The following ZBTB7C variants were observed in gnomAD, a reference collection of about 807,000 sequenced individuals.
ZBTB7C encodes the protein zinc finger and BTB domain containing 7C.
Under a neutral mutation model 25.7 loss-of-function variants are expected in ZBTB7C, and 8 were observed. The ratio of observed to expected loss-of-function variants is 0.31; its 90% CI spans 0.18 to 0.56. The LOEUF (loss-of-function observed/expected upper bound fraction) is 0.56, where lower values mean the gene tolerates loss of function less well. ZBTB7C is among the 20% of genes least tolerant of loss of function. ZBTB7C has a pLI of 0.91. For synonymous variants in ZBTB7C, 394 were observed against 369.0 expected (o/e 1.07, Z -0.78); for missense variants, 824 against 855.2 (o/e 0.96, Z 0.46).
At chr18:48,094,854 A>C (rs7243930) in intron 3 of ZBTB7C, among the ~76,000 whole-genome samples, 59,811 of 152,050 alleles carry the variant, frequency 0.39, 15,598 homozygotes, top group African/African-American at 0.75. Context: ...AAAAGGGAGC[A>C]TGGAGCTGAA....
intron 3 of ZBTB7C, among the ~76,000 whole-genome samples, chr18:48,161,193 A>C (rs909845084): frequency 6.6e-6 from 1 of 151,766 alleles, no homozygotes; most frequent in Non-Finnish European, 1.5e-5. Flanking sequence ...GGGCTGACTC[A>C]AGGTCTCCTT....
intron 1 of ZBTB7C, among the ~76,000 whole-genome samples, chr18:48,395,880 T>C (rs1334654319): frequency 7.2e-5 from 11 of 152,000 alleles, no homozygotes; most frequent in Admixed American, 7.2e-4. Context: ...GTCTTAAAAA[T>C]TGTAAGGAAA....
At chr18:48,041,897 T>C (rs2036261185) in intron 3 of ZBTB7C, among the ~76,000 whole-genome samples, 1 of 152,246 alleles carries the variant, frequency 6.6e-6, no homozygotes, top group Admixed American at 6.5e-5. Flanking sequence ...TAATTTTTCA[T>C]GTCTAAATTC....
intron 2 of ZBTB7C, among the ~76,000 whole-genome samples, chr18:48,301,892 C>G (rs2045553273): frequency 6.6e-6 from 1 of 152,170 alleles, no homozygotes; most frequent in Non-Finnish European, 1.5e-5. Flanking sequence ...GACCAGCCAG[C>G]AGGCAGGGTC....
chr18:48,409,429 C>A, upstream of ZBTB7C: 1 of 146,734 alleles, frequency 6.8e-6, no homozygotes, highest in South Asian at 1.9e-4. Flanking sequence ...CCTCCCTCCC[C>A]GCGCCGCGCC....
chr18:48,379,030 G>A (rs971818451), intron 1 of ZBTB7C, among the ~76,000 whole-genome samples: 4 of 152,166 alleles, frequency 2.6e-5, no homozygotes, highest in East Asian at 1.9e-4. Flanking sequence ...TTTAACTTAT[G>A]AGGGGTTTAT....
chr18:48,329,128 C>G (rs1436048513), intron 2 of ZBTB7C, among the ~76,000 whole-genome samples: 1 of 152,170 alleles, frequency 6.6e-6, no homozygotes, highest in East Asian at 1.9e-4. Context: ...AGAAGTCTCT[C>G]TCTAATATAA....
chr18:48,355,648 G>A (rs1319323315), intron 1 of ZBTB7C, among the ~76,000 whole-genome samples: 3 of 152,220 alleles, frequency 2.0e-5, no homozygotes, highest in Admixed American at 6.5e-5. Context: ...AGTGGGTGCC[G>A]TGCTCATGCC....
intron 4 of ZBTB7C, among the ~76,000 whole-genome samples, chr18:48,033,855 A>T (rs910000863): frequency 6.6e-6 from 1 of 152,150 alleles, no homozygotes; most frequent in African/African-American, 2.4e-5. Context: ...GGTGCCGGGC[A>T]CACTCCAAGA....
intron 2 of ZBTB7C, among the ~76,000 whole-genome samples, chr18:48,250,565 T>C (rs1374112081): frequency 6.6e-6 from 1 of 151,848 alleles, no homozygotes; most frequent in Non-Finnish European, 1.5e-5. Flanking sequence ...TATGTGCCCA[T>C]ACTTAATAAA....
At chr18:48,095,291 C>A (rs1277893489) in intron 3 of ZBTB7C, among the ~76,000 whole-genome samples, 1 of 152,142 alleles carries the variant, frequency 6.6e-6, no homozygotes, top group Non-Finnish European at 1.5e-5. Flanking sequence ...AAGGTCAAGG[C>A]CATTTATAGA....
Position 48,040,097 on chromosome 18 carries a change from G to A in ZBTB7C, c.1011C>T (p.Phe337=), listed in dbSNP as rs1568165878. ...GGCCTCCCAGGTGGGTGGCACTCAG[G>A]AAGTTGAGATAGGCACCGTAGTCGT... is the stretch of plus-strand genomic sequence containing the variant. ...AENDYGAYLN[F]LSATHLGGLF... Residue 337 remains phenylalanine, a synonymous_variant, in exon 4 of 5, where the codon TTC becomes TTT. Transcript: ENST00000590800. 6 of 1,609,454 alleles carry A rather than the reference G, an allele frequency of 3.7e-6. No homozygotes were observed. The highest frequency in any genetic ancestry group is 5.1e-6 in the Non-Finnish European group (6 of 1,177,762).
At chr18:48,069,616 A>G (rs1275027860) in intron 3 of ZBTB7C, among the ~76,000 whole-genome samples, 1 of 140,166 alleles carries the variant, frequency 7.1e-6, no homozygotes. Flanking sequence ...ATCCTCTCCC[A>G]CCCCCTCCCC....
At chr18:48,262,429 T>C (rs994465800) in intron 2 of ZBTB7C, among the ~76,000 whole-genome samples, 1 of 152,208 alleles carries the variant, frequency 6.6e-6, no homozygotes, top group South Asian at 2.1e-4. Flanking sequence ...TACTTCCCTA[T>C]CCTCAGAGAG....
At chr18:48,378,059 G>A (rs1435089407) in intron 1 of ZBTB7C, among the ~76,000 whole-genome samples, 1 of 152,170 alleles carries the variant, frequency 6.6e-6, no homozygotes, top group East Asian at 1.9e-4. Flanking sequence ...GCTGAAGCAA[G>A]AGAATCACTT....
intron 2 of ZBTB7C, among the ~76,000 whole-genome samples, chr18:48,193,159 G>A (rs1465936351): frequency 3.3e-5 from 5 of 152,132 alleles, no homozygotes; most frequent in Non-Finnish European, 4.4e-5. Context: ...GTCAAGTGGG[G>A]AGGCCAGCAG....
intron 3 of ZBTB7C, among the ~76,000 whole-genome samples, chr18:48,160,186 A>G (rs2040960827): frequency 6.6e-6 from 1 of 152,194 alleles, no homozygotes; most frequent in Admixed American, 6.5e-5. Context: ...ACTACCCTAG[A>G]GAAACATTTC....
intron 2 of ZBTB7C, among the ~76,000 whole-genome samples, chr18:48,277,514 T>C (rs1290254227): frequency 6.6e-6 from 1 of 152,232 alleles, no homozygotes; most frequent in African/African-American, 2.4e-5. Flanking sequence ...GCAAAATAAA[T>C]AGCTATTTCA....
intron 2 of ZBTB7C, among the ~76,000 whole-genome samples, chr18:48,316,083 C>T (rs565785287): frequency 6.4e-4 from 98 of 152,304 alleles, no homozygotes; most frequent in African/African-American, 2.3e-3. Flanking sequence ...CTGCCTCACA[C>T]CATCAACCAC....
Sources: allele counts gnomAD v4.1 joint callset (sites outside exome capture counted in the v4.1 genomes callset), GRCh38; gene constraint gnomAD v4.1.1; transcripts MANE v1.5; gene names NCBI Gene and HGNC (gene_info 2026-07-23, HGNC 2026-07-21).